UVRAG: variants seen among roughly 807,000 people sequenced by gnomAD.
The protein encoded by UVRAG is UV radiation resistance-associated gene protein.
In UVRAG, 19 loss-of-function variants were observed where a neutral mutation model predicts 78.0. The ratio of observed to expected loss-of-function variants is 0.24; its 90% confidence interval spans 0.17 to 0.36. The LOEUF is 0.36. Among genes scored for constraint, UVRAG ranks in the 10% least tolerant of loss-of-function variants. The pLI is 1.00. For missense variants in UVRAG, 740 were observed against 853.8 expected, an observed-to-expected ratio of 0.87 and a Z score of 1.66; for synonymous variants, 323 against 324.6, an observed-to-expected ratio of 1.00 and a Z score of 0.05.
chr11:76,055,951 T>C (rs1240970763), intron 12 of UVRAG, among the ~76,000 whole-genome samples: 2 of 152,156 alleles, frequency 1.3e-5, no homozygotes, highest in Non-Finnish European at 2.9e-5. Context: ...CCTTGTGATC[T>C]GCCCACCTCG....
At chr11:76,056,810 A>G (rs1376593203) in intron 12 of UVRAG, among the ~76,000 whole-genome samples, 1 of 152,208 alleles carries the variant, frequency 6.6e-6, no homozygotes, top group Non-Finnish European at 1.5e-5. Flanking sequence ...AAAATTGATT[A>G]GTACCCCTGG....
At chr11:76,108,380 A>T (rs1419287760) in intron 13 of UVRAG, among the ~76,000 whole-genome samples, 1 of 152,226 alleles carries the variant, frequency 6.6e-6, no homozygotes, top group African/African-American at 2.4e-5. Flanking sequence ...GTGCAAGAAC[A>T]CAGCATTTAT....
intron 3 of UVRAG, among the ~76,000 whole-genome samples, chr11:75,878,743 C>T (rs995084814): frequency 6.6e-6 from 1 of 152,144 alleles, no homozygotes; most frequent in Non-Finnish European, 1.5e-5. Flanking sequence ...CGCCTGCAAT[C>T]GCAGGCACTC....
intron 13 of UVRAG, among the ~76,000 whole-genome samples, chr11:76,102,574 C>T (rs1951896224): frequency 1.3e-5 from 2 of 152,178 alleles, no homozygotes; most frequent in South Asian, 4.1e-4. Context: ...TTCTCTTGCC[C>T]AGTTGCTCTG....
At position 75,930,044 on chromosome 11, in the gene UVRAG, T is replaced by G. The variant is rs1177354753; in HGVS notation, c.593+18005T>G. ...TATAGATACCTCCTTATCTCCTCAATACTAGTCACAACTTTTTTTGATTGC... is the reference window on the plus strand; with the variant it reads ...TATAGATACCTCCTTATCTCCTCAAGACTAGTCACAACTTTTTTTGATTGC... On this transcript the variant is annotated intron_variant, in intron 6 of 14. Transcript: ENST00000356136. Among the ~76,000 whole-genome samples, 4 of 152,234 alleles carry G rather than the reference T, an allele frequency of 2.6e-5. No homozygotes were observed. The East Asian group carries it at 7.7e-4, about 29-fold the overall frequency.
intron 11 of UVRAG, among the ~76,000 whole-genome samples, chr11:76,010,149 C>A (rs182217691): frequency 6.6e-6 from 1 of 152,208 alleles, no homozygotes; most frequent in Non-Finnish European, 1.5e-5. Context: ...ATCTTGAAGC[C>A]CATGGCGCAT....
At chr11:75,962,059 C>T (rs1948921108) in intron 7 of UVRAG, among the ~76,000 whole-genome samples, 1 of 151,932 alleles carries the variant, frequency 6.6e-6, no homozygotes, top group East Asian at 1.9e-4. Flanking sequence ...AGTTGTTTTT[C>T]CTAGTGGAGT....
At chr11:76,115,625 T>C (rs1264153182) in intron 13 of UVRAG, among the ~76,000 whole-genome samples, 1 of 152,184 alleles carries the variant, frequency 6.6e-6, no homozygotes, top group Non-Finnish European at 1.5e-5. Flanking sequence ...CTTTGAAATA[T>C]CCTCATTCCA....
At chr11:75,919,308 A>G (rs1310479269) in intron 6 of UVRAG, among the ~76,000 whole-genome samples, 3 of 152,148 alleles carry the variant, frequency 2.0e-5, no homozygotes, top group Non-Finnish European at 2.9e-5. Flanking sequence ...AACTGTAAGC[A>G]GACTTTACAA....
intron 13 of UVRAG, among the ~76,000 whole-genome samples, chr11:76,067,156 A>G (rs1951205727): frequency 1.3e-5 from 2 of 152,072 alleles, no homozygotes; most frequent in African/African-American, 2.4e-5. Flanking sequence ...AGATTTCTGG[A>G]TTGCAATCCT....
At chr11:76,036,849 CTT>C (rs1217085845) in intron 12 of UVRAG, among the ~76,000 whole-genome samples, 1 of 151,758 alleles carries the variant, frequency 6.6e-6, no homozygotes, top group Non-Finnish European at 1.5e-5. Flanking sequence ...GTGGAATAGT[CTT>C]TTTTAGAAAA....
At chr11:75,826,054 C>G (rs1945502746) in intron 1 of UVRAG, among the ~76,000 whole-genome samples, 1 of 152,104 alleles carries the variant, frequency 6.6e-6, no homozygotes, top group Non-Finnish European at 1.5e-5. Context: ...CCAGGCTGGT[C>G]TCGAACTCCT....
intron 1 of UVRAG, among the ~76,000 whole-genome samples, chr11:75,820,225 G>A (rs990731268): frequency 3.3e-5 from 5 of 152,178 alleles, no homozygotes; most frequent in South Asian, 2.1e-4. Context: ...ATATCCTCCC[G>A]CCTTGACCTC....
intron 6 of UVRAG, among the ~76,000 whole-genome samples, chr11:75,931,996 A>G (rs1948250305): frequency 6.6e-6 from 1 of 152,136 alleles, no homozygotes; most frequent in Admixed American, 6.5e-5. Context: ...TTTCCCAAGA[A>G]TCAAGGTCCA....
At chr11:75,822,238 C>G (rs1177284195) in intron 1 of UVRAG, among the ~76,000 whole-genome samples, 1 of 152,172 alleles carries the variant, frequency 6.6e-6, no homozygotes, top group Non-Finnish European at 1.5e-5. Flanking sequence ...GCCACCATGC[C>G]TGGCTGATTT....
chr11:75,817,982 C>T (rs1945296757), intron 1 of UVRAG, among the ~76,000 whole-genome samples: 1 of 151,736 alleles, frequency 6.6e-6, no homozygotes, highest in Admixed American at 6.6e-5. Flanking sequence ...ATTGCTTGAA[C>T]CTGGGAGGCG....
At chr11:76,090,464 G>C (rs1231843933) in intron 13 of UVRAG, among the ~76,000 whole-genome samples, 3 of 152,090 alleles carry the variant, frequency 2.0e-5, no homozygotes, top group Non-Finnish European at 2.9e-5. Context: ...CCTATTTCCA[G>C]CTTCTGGCCA....
chr11:76,045,606 A>G (rs2134339754), intron 12 of UVRAG, among the ~76,000 whole-genome samples: 1 of 152,236 alleles, frequency 6.6e-6, no homozygotes, highest in Middle Eastern at 3.4e-3. Flanking sequence ...TGATATAAAA[A>G]TGAACATTTA....
intron 1 of UVRAG, among the ~76,000 whole-genome samples, chr11:75,823,299 A>C (rs1290630669): frequency 2.0e-5 from 3 of 152,222 alleles, no homozygotes; most frequent in Admixed American, 6.5e-5. Flanking sequence ...GAAGGAAGTC[A>C]CTATGTGTAG....
Sources: gnomAD v4.1 joint callset for allele counts (sites outside exome capture counted in the v4.1 genomes callset) on GRCh38, gnomAD v4.1.1 for gene constraint, MANE v1.5 for transcripts, NCBI Gene and HGNC (gene_info 2026-07-23, HGNC 2026-07-21) for gene names.